The following CPHXL2 variants were observed in gnomAD, a reference collection of about 807,000 sequenced individuals.
CPHXL2 encodes the protein cytoplasmic polyadenylated homeobox-like protein 2.
At chr16:75,669,213 C>T in the CPHXL2 span, 20 of 386,604 alleles carry the variant, frequency 5.2e-5, no homozygotes, top group Non-Finnish European at 6.8e-5. Flanking sequence ...AAATGGGGAG[C>T]GCTGAGGTTG....
chr16:75,669,239 C>G, the CPHXL2 span: 1 of 393,802 alleles, frequency 2.5e-6, no homozygotes, highest in East Asian at 3.6e-5. Flanking sequence ...TCACCTGAGC[C>G]CAGGAAGTTG....
the CPHXL2 span, among the ~76,000 whole-genome samples, chr16:75,673,361 G>C: frequency 1.3e-5 from 2 of 151,948 alleles, no homozygotes; most frequent in African/African-American, 4.8e-5. Context: ...CTTTAGCCTG[G>C]GATTTGGAGG....
chr16:75,675,521 A>C, the CPHXL2 span, among the ~76,000 whole-genome samples: 2 of 152,098 alleles, frequency 1.3e-5, no homozygotes, highest in Non-Finnish European at 2.9e-5. Flanking sequence ...GAGAAAGAGG[A>C]GGGAACAAAA....
the CPHXL2 span, among the ~76,000 whole-genome samples, chr16:75,665,252 A>T: frequency 6.6e-6 from 1 of 152,246 alleles, no homozygotes; most frequent in East Asian, 1.9e-4. Flanking sequence ...CAGAAAACCT[A>T]TAAAGGAAAA....
chr16:75,668,018 A>G, the CPHXL2 span, among the ~76,000 whole-genome samples: 5 of 152,124 alleles, frequency 3.3e-5, no homozygotes, highest in African/African-American at 4.8e-5. Context: ...CTGCACAGCT[A>G]GCAAGCTGGC....
chr16:75,673,099 C>CA, the CPHXL2 span, among the ~76,000 whole-genome samples: 12 of 95,456 alleles, frequency 1.3e-4, no homozygotes, highest in African/African-American at 3.6e-4. Context: ...AAAAAAAAGA[C>CA]AAAAAAAAGA....
chr16:75,667,756 C>A, the CPHXL2 span, among the ~76,000 whole-genome samples: 7 of 152,190 alleles, frequency 4.6e-5, no homozygotes, highest in Non-Finnish European at 1.0e-4. Flanking sequence ...TTCAAATGTT[C>A]TCTTAGTATT....
the CPHXL2 span, among the ~76,000 whole-genome samples, chr16:75,671,676 T>C: frequency 6.6e-6 from 1 of 152,152 alleles, no homozygotes; most frequent in African/African-American, 2.4e-5. Flanking sequence ...AGAAACACAA[T>C]AAATATTTTT....
the CPHXL2 span, among the ~76,000 whole-genome samples, chr16:75,668,235 T>A: frequency 1.9e-3 from 283 of 150,224 alleles, 6 homozygotes; most frequent in East Asian, 0.04. Context: ...ATATATATTT[T>A]TTTTTTTTTT....
At chr16:75,660,312 C>T in the CPHXL2 span, 1 of 398,570 alleles carries the variant, frequency 2.5e-6, no homozygotes, top group Non-Finnish European at 4.4e-6. Flanking sequence ...GTGTAGACCC[C>T]TCAACCTAAA....
At chr16:75,665,123 A>G in the CPHXL2 span, among the ~76,000 whole-genome samples, 1 of 152,186 alleles carries the variant, frequency 6.6e-6, no homozygotes, top group South Asian at 2.1e-4. Context: ...CATATATCAC[A>G]AGCTCAAAGA....
the CPHXL2 span, among the ~76,000 whole-genome samples, chr16:75,662,919 C>T: frequency 6.6e-6 from 1 of 151,912 alleles, no homozygotes; most frequent in Non-Finnish European, 1.5e-5. Context: ...CTGCCTCAGC[C>T]TCCTGAGTAG....
the CPHXL2 span, among the ~76,000 whole-genome samples, chr16:75,674,746 G>C: frequency 1.3e-5 from 2 of 151,996 alleles, no homozygotes; most frequent in Admixed American, 6.6e-5. Context: ...GTCTCGCTCT[G>C]TCTCCCAGGC....
the CPHXL2 span, chr16:75,660,835 C>T: frequency 7.5e-6 from 3 of 398,634 alleles, no homozygotes; most frequent in Non-Finnish European, 1.3e-5. Context: ...TGCTCACTTC[C>T]TGTGTCACCT....
At chr16:75,669,052 C>T in the CPHXL2 span, among the ~76,000 whole-genome samples, 5 of 152,180 alleles carry the variant, frequency 3.3e-5, no homozygotes, top group East Asian at 7.7e-4. Context: ...TGGTGGCTAA[C>T]GCCTGTAATC....
At chr16:75,671,805 C>T in the CPHXL2 span, among the ~76,000 whole-genome samples, 23 of 152,110 alleles carry the variant, frequency 1.5e-4, no homozygotes, top group Non-Finnish European at 2.4e-4. Flanking sequence ...GAAGACACTA[C>T]GAATGGAGTA....
chr16:75,673,979 T>TAAAAAAAAAAAAAAAAAAAA, the CPHXL2 span, among the ~76,000 whole-genome samples: 1 of 90,524 alleles, frequency 1.1e-5, no homozygotes. Context: ...GATCTCGTCT[T>TAAAAAAAAAAAAAAAAAAAA]AAAAAAAAAA....
chr16:75,660,266 T>C, the CPHXL2 span: 22 of 398,470 alleles, frequency 5.5e-5, no homozygotes, highest in Non-Finnish European at 9.7e-5. Flanking sequence ...AGCAATACTT[T>C]GCAAAGCTGC....
the CPHXL2 span, among the ~76,000 whole-genome samples, chr16:75,663,885 C>CG: frequency 1.2e-5 from 1 of 85,484 alleles, no homozygotes; most frequent in Admixed American, 1.2e-4. Context: ...GACTCTGTCT[C>CG]AAAAAAAAAA....
Sources: allele counts gnomAD v4.1 joint callset (sites outside exome capture counted in the v4.1 genomes callset), GRCh38; gene constraint gnomAD v4.1.1; transcripts MANE v1.5; gene names NCBI Gene and HGNC (gene_info 2026-07-23, HGNC 2026-07-21).